Variants in ERO1B observed in about 807,000 individuals in gnomAD.
The protein encoded by ERO1B is endoplasmic reticulum oxidoreductase 1 beta.
A neutral mutation model predicts 75.3 loss-of-function variants in ERO1B; 49 were observed. That is an observed-to-expected ratio of 0.65 (90% CI 0.52 to 0.83). The LOEUF is 0.83. ERO1B is among the 40% of genes least tolerant of loss of function. The probability of loss-of-function intolerance (pLI) is 0.00; values close to 1 mark genes in which losing one functional copy is unlikely to be tolerated. For synonymous variants in ERO1B, 191 were observed against 192.9 expected (o/e 0.99, Z 0.08); for missense variants, 512 against 560.1 (o/e 0.91, Z 0.87).
intron 2 of ERO1B, among the ~76,000 whole-genome samples, chr1:236,260,373 C>T (rs970103739): frequency 1.2e-4 from 19 of 152,056 alleles, no homozygotes; most frequent in South Asian, 2.1e-4. Flanking sequence ...CAAAGAAAGA[C>T]GAGGCACTGG....
Position 236,269,878 on chromosome 1 carries a change from G to A in ERO1B, c.219C>T (p.Tyr73=), listed in dbSNP as rs2102965585. Residue 73 remains tyrosine (Y), a synonymous_variant, in exon 2 of 16, where the codon TAC becomes TAT. Transcript: ENST00000354619. ...GAATAAAAAATTACAACCTTACCTT[G>A]TAATAACGAAAATAGTCTCTCTCTT... ...KLQERDYFRY[Y]KVNLKRPCPF... 10 of 1,585,160 alleles carry A rather than the reference G, an allele frequency of 6.3e-6. No homozygotes were observed. The highest frequency in any genetic ancestry group is 6.9e-6 in the Non-Finnish European group (8 of 1,154,516).
At chr1:236,230,560 C>T (rs532477116) in intron 9 of ERO1B, among the ~76,000 whole-genome samples, 5 of 135,896 alleles carry the variant, frequency 3.7e-5, no homozygotes, top group Admixed American at 8.4e-5. Context: ...TGCTGTGAGC[C>T]GAGATCATAC....
chr1:236,241,435 C>A (rs1242691577), intron 6 of ERO1B, among the ~76,000 whole-genome samples: 1 of 152,116 alleles, frequency 6.6e-6, no homozygotes, highest in Non-Finnish European at 1.5e-5. Context: ...GTAATCCCAG[C>A]CACTAGGGAG....
Position 236,226,723 on chromosome 1 carries a change from T to C in ERO1B, c.729A>G (p.Lys243=). 1 of 1,611,070 alleles carries C rather than the reference T, an allele frequency of 6.2e-7. No individual in the cohort carries two copies. The highest frequency in any genetic ancestry group is 2.2e-5 in the East Asian group (1 of 44,770). The change falls in exon 11 of 16, where the codon AAA becomes AAG. Residue 243 remains lysine, a synonymous_variant. Transcript: ENST00000354619. ...CCGATATAAGCTTATAGAAGACTCTTTTCTCCAGACACAAACCTATTCAGA... is the reference window on the plus strand; with the variant it reads ...CCGATATAAGCTTATAGAAGACTCTCTTCTCCAGACACAAACCTATTCAGA... ...YTWLEGLCLE[K]RVFYKLISGL... is the part of the protein sequence containing the mutation.
intron 5 of ERO1B, among the ~76,000 whole-genome samples, chr1:236,248,318 G>T (rs1664935935): frequency 6.6e-6 from 1 of 152,126 alleles, no homozygotes; most frequent in Non-Finnish European, 1.5e-5. Context: ...AATGATACAA[G>T]CTGTCAGCAC....
Position 236,216,443 on chromosome 1 carries a change from C to G in ERO1B, c.*2073G>C, listed in dbSNP as rs1044389800. 2 of 152,062 alleles carry G rather than the reference C, an allele frequency of 1.3e-5. No homozygotes were observed. Among genetic ancestry groups the G allele is most frequent in the Non-Finnish European group, 2.9e-5 (2 of 67,980 alleles). 9.4% of individuals were successfully genotyped at this position (152,062 alleles called of 1,614,324 possible). On this transcript the variant is annotated 3_prime_UTR_variant, in exon 16 of 16. Coordinates refer to ENST00000354619, the MANE Select transcript of ERO1B (RefSeq NM_019891.4). ...CAAAAATGTAGGCTGCCCCTACAAT[C>G]TAATTTATGATAAAATAAGATGAAT...
At position 236,234,157 on chromosome 1, in the gene ERO1B, A is replaced by T. The variant is rs367972929; in HGVS notation, c.674-1318T>A. ...ATTAATTACTTCATAGAGTACTCCT[A>T]TAACAGCTAGGAACCATTCTCTTTA... On this transcript the variant is annotated intron_variant, in intron 8 of 15. Coordinates refer to ENST00000354619, the MANE Select transcript of ERO1B (RefSeq NM_019891.4). 7.9e-5 allele frequency among the ~76,000 whole-genome samples: 12 copies of T among 152,320 alleles called. 1 individual carries two copies. In the South Asian group the frequency reaches 2.5e-3, roughly 32 times the overall value.
intron 2 of ERO1B, among the ~76,000 whole-genome samples, chr1:236,257,973 AAGG>A (rs1330975459): frequency 6.6e-6 from 1 of 151,678 alleles, no homozygotes. Flanking sequence ...AGAGTACCAG[AAGG>A]AGAAGAAAGA....
In ERO1B at chr1:236,263,778, C is replaced by CTTTTTTTTTTT; in HGVS notation, c.222+6086_222+6096dup. 2.0e-4 allele frequency among the ~76,000 whole-genome samples: 16 copies of CTTTTTTTTTTT among 80,290 alleles called. 2 individuals carry two copies. The highest frequency in any genetic ancestry group is 3.1e-4 in the African/African-American group (6 of 19,096). 52.7% of individuals were successfully genotyped at this position (80,290 alleles called of 152,430 possible). ...TATATTTTTTGTTTTATTTTGTTTG[C>CTTTTTTTTTTT]TTTTTTTTTTTTTTTTTTTTTTTTT... is the stretch of plus-strand genomic sequence containing the variant. On this transcript the variant is annotated intron_variant, in intron 2 of 15. Coordinates refer to ENST00000354619, the MANE Select transcript of ERO1B (RefSeq NM_019891.4).
At chr1:236,277,776 A>G (rs1177207260) in intron 1 of ERO1B, among the ~76,000 whole-genome samples, 1 of 152,238 alleles carries the variant, frequency 6.6e-6, no homozygotes, top group African/African-American at 2.4e-5. Context: ...TGGTTGTCTA[A>G]TTCAATAATC....
At chr1:236,276,290 A>G (rs1572073123) in intron 1 of ERO1B, among the ~76,000 whole-genome samples, 1 of 152,242 alleles carries the variant, frequency 6.6e-6, no homozygotes, top group Admixed American at 6.5e-5. Flanking sequence ...AGTCTTGGAG[A>G]CTAACACTGA....
At chr1:236,236,206 C>T (rs1350908212) in intron 7 of ERO1B, 72 bp downstream of exon 7, 10 of 1,585,788 alleles carry the variant, frequency 6.3e-6, no homozygotes, top group East Asian at 4.5e-5. Flanking sequence ...GGATTACAGG[C>T]GTGAGCCACA....
intron 1 of ERO1B, 88 bp downstream of exon 1, chr1:236,281,594 G>GGCCCTGCCCA (rs1553375817): frequency 2.0e-6 from 2 of 1,007,442 alleles, no homozygotes; most frequent in Non-Finnish European, 2.6e-6. Flanking sequence ...GGCCCTGCCC[G>GGCCCTGCCCA]GCCCTCCCCG....
chr1:236,239,869 ATG>A (rs1572042435), intron 6 of ERO1B, among the ~76,000 whole-genome samples: 1 of 64,994 alleles, frequency 1.5e-5, no homozygotes, highest in Non-Finnish European at 3.0e-5. Flanking sequence ...GTATATATAT[ATG>A]TGTATATGTG....
In ERO1B at chr1:236,257,607, T is replaced by C. The variant is rs762761038; in HGVS notation, c.223-4102A>G. ...AATCTCAATTAGAAGCCAACCCTAC[T>C]GAAAGGAAGATATGTGATTTACCTA... On this transcript the variant is annotated intron_variant, in intron 2 of 15. Transcript: ENST00000354619. Among the ~76,000 whole-genome samples the C allele has an allele frequency of 1.8e-4, 26 of 146,318 alleles. 1 individual carries two copies. Among genetic ancestry groups the C allele is most frequent in the Non-Finnish European group, 1.3e-4 (9 of 67,192 alleles).
At chr1:236,240,356 C>A (rs1664669549) in intron 6 of ERO1B, among the ~76,000 whole-genome samples, 1 of 152,098 alleles carries the variant, frequency 6.6e-6, no homozygotes, top group Non-Finnish European at 1.5e-5. Flanking sequence ...GCATACAGAA[C>A]AACTTAGTGT....
At chr1:236,274,895 C>T (rs1371907863) in intron 1 of ERO1B, among the ~76,000 whole-genome samples, 1 of 152,136 alleles carries the variant, frequency 6.6e-6, no homozygotes, top group Non-Finnish European at 1.5e-5. Flanking sequence ...GACTGCAGAA[C>T]TGGGGCTGCT....
chr1:236,231,024 A>G (rs1664395900), intron 9 of ERO1B, among the ~76,000 whole-genome samples: 1 of 152,220 alleles, frequency 6.6e-6, no homozygotes, highest in Non-Finnish European at 1.5e-5. Context: ...TTTGCTTTTC[A>G]TAACAACCAT....
At chr1:236,258,517 C>T (rs1197915430) in intron 2 of ERO1B, among the ~76,000 whole-genome samples, 1 of 152,188 alleles carries the variant, frequency 6.6e-6, no homozygotes, top group Non-Finnish European at 1.5e-5. Flanking sequence ...TTTATCACCA[C>T]TAGATCTGCC....
Sources: gnomAD v4.1 joint callset for allele counts (sites outside exome capture counted in the v4.1 genomes callset) on GRCh38, gnomAD v4.1.1 for gene constraint, MANE v1.5 for transcripts, NCBI Gene and HGNC (gene_info 2026-07-23, HGNC 2026-07-21) for gene names.